Variants in PAPPA observed in about 807,000 individuals in gnomAD.
The protein encoded by PAPPA is pappalysin 1, also known as pappalysin-1.
In PAPPA, 60 loss-of-function variants were observed where a neutral mutation model predicts 164.0. The ratio of observed to expected loss-of-function variants is 0.37; its 90% CI spans 0.30 to 0.45. The LOEUF (loss-of-function observed/expected upper bound fraction) is 0.45, where lower values mean the gene tolerates loss of function less well. Ranked by LOEUF, PAPPA falls within the 20% of genes least tolerant of loss-of-function variation. The pLI is 1.00. For synonymous variants in PAPPA, 875 were observed against 814.1 expected (o/e 1.07, Z -1.27); for missense variants, 1,782 against 2,087.3 (o/e 0.85, Z 2.85).
chr9:116,249,631 C>T (rs1844836501), intron 7 of PAPPA, among the ~76,000 whole-genome samples: 1 of 151,998 alleles, frequency 6.6e-6, no homozygotes, highest in South Asian at 2.1e-4. Flanking sequence ...TAGATGATGG[C>T]ACTTGTCTAT....
chr9:116,384,146 C>T (rs987848518), intron 21 of PAPPA, among the ~76,000 whole-genome samples: 1 of 152,038 alleles, frequency 6.6e-6, no homozygotes, highest in African/African-American at 2.4e-5. Flanking sequence ...ATTACTTGCG[C>T]TGAGCACAGT....
At chr9:116,315,707 A>G (rs1845779736) in intron 10 of PAPPA, among the ~76,000 whole-genome samples, 1 of 152,158 alleles carries the variant, frequency 6.6e-6, no homozygotes, top group African/African-American at 2.4e-5. Flanking sequence ...GGCCCAGCAC[A>G]GGAGGGTGTG....
intron 6 of PAPPA, among the ~76,000 whole-genome samples, chr9:116,229,599 T>C (rs1342360824): frequency 2.6e-5 from 4 of 152,128 alleles, no homozygotes; most frequent in Non-Finnish European, 4.4e-5. Flanking sequence ...ACAGATGAGA[T>C]AGATAATGGC....
intron 19 of PAPPA, among the ~76,000 whole-genome samples, chr9:116,376,676 A>AAAT (rs1334122699): frequency 6.6e-6 from 1 of 152,224 alleles, no homozygotes; most frequent in Non-Finnish European, 1.5e-5. Flanking sequence ...AGGAGGCTAT[A>AAAT]AATAAGTGCC....
chr9:116,315,735 A>G (rs1845780111), intron 10 of PAPPA, among the ~76,000 whole-genome samples: 1 of 152,200 alleles, frequency 6.6e-6, no homozygotes, highest in African/African-American at 2.4e-5. Context: ...AAGAGGAAGA[A>G]AGATGGGAGG....
chr9:116,307,404 A>G (rs1488146461), intron 10 of PAPPA, among the ~76,000 whole-genome samples: 3 of 152,118 alleles, frequency 2.0e-5, no homozygotes, highest in Non-Finnish European at 4.4e-5. Context: ...GTTTGAGGCC[A>G]GCCTGACCAA....
chr9:116,158,992 C>T (rs1373135377), intron 1 of PAPPA, among the ~76,000 whole-genome samples: 2 of 152,222 alleles, frequency 1.3e-5, no homozygotes, highest in Non-Finnish European at 2.9e-5. Context: ...TTCTGTGGAA[C>T]ATTTCCATTC....
intron 7 of PAPPA, among the ~76,000 whole-genome samples, chr9:116,258,037 T>A (rs1844952957): frequency 6.6e-6 from 1 of 151,966 alleles, no homozygotes; most frequent in Admixed American, 6.6e-5. Flanking sequence ...TCATCACCAT[T>A]TTTATAATGA....
In PAPPA at chr9:116,400,476, T is replaced by C. The variant is rs990081676; in HGVS notation, c.*3860T>C. 4 of 152,086 alleles carry C rather than the reference T, an allele frequency of 2.6e-5. No individual in the cohort carries two copies. Among genetic ancestry groups the C allele is most frequent in the South Asian group, 2.1e-4 (1 of 4,816 alleles). The allele number at this position is 152,086 out of a possible 1,614,324, so 9.4% of individuals were successfully genotyped here. A position where few individuals can be genotyped will look rare whatever the true frequency, so the allele number is the denominator to read the frequency against. On this transcript the variant is annotated 3_prime_UTR_variant, in exon 22 of 22. Coordinates refer to ENST00000328252, the MANE Select transcript of PAPPA (RefSeq NM_002581.5). The stretch of plus-strand genomic sequence containing the variant: ...GTAGTAGGGAGTGGGAGGGCTTATA[T>C]TGGTTTTTCCAGCTATTAAGGGGAC...
chr9:116,191,955 G>A (rs1313026324), intron 2 of PAPPA, among the ~76,000 whole-genome samples: 2 of 152,190 alleles, frequency 1.3e-5, no homozygotes, highest in East Asian at 1.9e-4. Context: ...GTAGGGGCAA[G>A]AGGAGAAAGT....
intron 3 of PAPPA, among the ~76,000 whole-genome samples, chr9:116,209,326 G>A (rs997545215): frequency 6.6e-6 from 1 of 152,054 alleles, no homozygotes; most frequent in African/African-American, 2.4e-5. Context: ...CCTTCCTCAG[G>A]TCTCAATGTC....
chr9:116,389,619 C>T (rs1846863570), intron 21 of PAPPA, among the ~76,000 whole-genome samples: 1 of 152,112 alleles, frequency 6.6e-6, no homozygotes, highest in African/African-American at 2.4e-5. Flanking sequence ...AGGCATCCTT[C>T]TACTTTACAG....
rs1341714837 is a variant in PAPPA, at chr9:116,401,115, G to A, written c.*4499G>A. On this transcript the variant is annotated 3_prime_UTR_variant, in exon 22 of 22. Coordinates refer to ENST00000328252, the MANE Select transcript of PAPPA (RefSeq NM_002581.5). Reference sequence around the variant, plus strand: ...TGATATTTCAAGGAATAAAGCCGGAGCTCCTGAATTGTAGTCCACCTTAAA... The same window carrying A: ...TGATATTTCAAGGAATAAAGCCGGAACTCCTGAATTGTAGTCCACCTTAAA... The A allele has an allele frequency of 6.6e-6, 1 of 152,614 alleles. No homozygotes were observed. Among genetic ancestry groups the A allele is most frequent in the Non-Finnish European group, 1.5e-5 (1 of 68,036 alleles). 9.5% of individuals were successfully genotyped at this position (152,614 alleles called of 1,614,324 possible).
chr9:116,294,735 A>G (rs747547010), intron 9 of PAPPA, among the ~76,000 whole-genome samples: 5 of 152,212 alleles, frequency 3.3e-5, no homozygotes, highest in Non-Finnish European at 5.9e-5. Flanking sequence ...GATGTGGCAT[A>G]AAGACTGTTG....
At chr9:116,180,520 T>C (rs1843891781) in intron 1 of PAPPA, among the ~76,000 whole-genome samples, 1 of 152,172 alleles carries the variant, frequency 6.6e-6, no homozygotes, top group South Asian at 2.1e-4. Flanking sequence ...TTTCAGAAAG[T>C]GTTTGTTATT....
chr9:116,310,287 A>G (rs1845700202), intron 10 of PAPPA, among the ~76,000 whole-genome samples: 1 of 152,206 alleles, frequency 6.6e-6, no homozygotes, highest in African/African-American at 2.4e-5. Context: ...TGGAAGGAGG[A>G]AAGGCGAAGG....
intron 3 of PAPPA, among the ~76,000 whole-genome samples, chr9:116,208,279 T>C (rs1409186465): frequency 1.3e-5 from 2 of 152,230 alleles, no homozygotes; most frequent in African/African-American, 4.8e-5. Context: ...GACACATCTA[T>C]ATGTAAACAT....
Position 116,154,537 on chromosome 9 carries a change from A to G in PAPPA, c.365A>G (p.Gln122Arg). ...CTGCCCCGGGACGCGTTCACGCTGC[A>G]AGTGTGGCTGCGAGCGGAGGGGGGC... ...LELPRDAFTLQVWLRAEGGQR... is the reference protein window; with the variant it reads ...LELPRDAFTLRVWLRAEGGQR... The change falls in exon 1 of 22, where the codon CAA (glutamine) becomes CGA (arginine). Residue 122 changes from glutamine (Q) to arginine (R), a missense_variant. Physicochemically the swap from Gln to Arg is conservative, Grantham distance 43. Transcript: ENST00000328252. The surrounding 1 kb of genome is among the most constrained non-coding windows in gnomAD (Gnocchi z 5.2). 7.1e-7 allele frequency: 1 copy of G among 1,404,360 alleles called. No homozygotes were observed. Among genetic ancestry groups the G allele is most frequent in the Non-Finnish European group, 9.3e-7 (1 of 1,077,474 alleles). The allele number at this position is 1,404,360 out of a possible 1,614,324, so 87.0% of individuals were successfully genotyped here.
At chr9:116,285,725 C>G (rs1199439352) in intron 9 of PAPPA, 1 of 152,260 alleles carries the variant, frequency 6.6e-6, no homozygotes, top group Non-Finnish European at 1.5e-5. Flanking sequence ...TCTTGGAGCA[C>G]TGAGACCTGC....
Sources: allele counts gnomAD v4.1 joint callset (sites outside exome capture counted in the v4.1 genomes callset), GRCh38; gene constraint gnomAD v4.1.1; non-coding constraint Gnocchi (gnomAD v3.1); transcripts MANE v1.5; gene names NCBI Gene and HGNC (gene_info 2026-07-23, HGNC 2026-07-21).